PLCB1: variants seen among roughly 807,000 people sequenced by gnomAD.
PLCB1 encodes the protein 1-phosphatidylinositol 4,5-bisphosphate phosphodiesterase beta-1.
A neutral mutation model predicts 161.8 loss-of-function variants in PLCB1; 46 were observed. The ratio of observed to expected loss-of-function variants is 0.28; its 90% confidence interval spans 0.22 to 0.36. The LOEUF (loss-of-function observed/expected upper bound fraction) is 0.36, where lower values mean the gene tolerates loss of function less well. Ranked by LOEUF, PLCB1 falls within the 10% of genes least tolerant of loss-of-function variation. The probability of loss-of-function intolerance (pLI) is 1.00; values close to 1 mark genes in which losing one functional copy is unlikely to be tolerated. For missense variants in PLCB1, 1,016 were observed against 1,472.5 expected (o/e 0.69, Z 5.07); for synonymous variants, 517 against 503.7 (o/e 1.03, Z -0.35).
At chr20:8,770,822 G>T (rs6056088) in intron 26 of PLCB1, among the ~76,000 whole-genome samples, 37,082 of 152,160 alleles carry the variant, frequency 0.24, 5,147 homozygotes, top group Non-Finnish European at 0.32. Context: ...TGGGAGGCAG[G>T]TTGGCCCTAA....
chr20:8,609,457 T>G (rs546815368), intron 3 of PLCB1, among the ~76,000 whole-genome samples: 4 of 152,212 alleles, frequency 2.6e-5, no homozygotes, highest in African/African-American at 7.2e-5. Flanking sequence ...GCTAAATGTG[T>G]CCTTCAAAAG....
chr20:8,140,804 TA>T (rs2051394902), intron 1 of PLCB1, among the ~76,000 whole-genome samples: 2 of 152,140 alleles, frequency 1.3e-5, no homozygotes, highest in African/African-American at 4.8e-5. Context: ...TTTATTTTTT[TA>T]TTTTTTTTTT....
intron 1 of PLCB1, among the ~76,000 whole-genome samples, chr20:8,143,869 T>C (rs1475068654): frequency 6.6e-6 from 1 of 152,212 alleles, no homozygotes; most frequent in Non-Finnish European, 1.5e-5. Context: ...TTTTCAACCC[T>C]GGCACCATTG....
At chr20:8,522,374 C>T (rs1347852788) in intron 3 of PLCB1, among the ~76,000 whole-genome samples, 3 of 152,150 alleles carry the variant, frequency 2.0e-5, no homozygotes, top group Non-Finnish European at 4.4e-5. Context: ...TCTATGACAT[C>T]ATCCTCATTC....
intron 2 of PLCB1, among the ~76,000 whole-genome samples, chr20:8,210,970 G>C (rs1199247542): frequency 1.3e-5 from 2 of 152,104 alleles, no homozygotes; most frequent in Non-Finnish European, 2.9e-5. Context: ...CCTCAGGATG[G>C]ATGCATGCAT....
intron 3 of PLCB1, among the ~76,000 whole-genome samples, chr20:8,561,629 C>T (rs994090339): frequency 7.9e-5 from 12 of 151,926 alleles, no homozygotes; most frequent in African/African-American, 2.2e-4. Flanking sequence ...TTATTTTTCC[C>T]TCCCCACATT....
chr20:8,738,409 TTTTGA>T (rs1180843203), intron 20 of PLCB1, among the ~76,000 whole-genome samples: 1 of 152,184 alleles, frequency 6.6e-6, no homozygotes, highest in Non-Finnish European at 1.5e-5. Context: ...CTCATTGTGG[TTTTGA>T]TTTGCATTTC....
At chr20:8,533,395 G>A (rs992344567) in intron 3 of PLCB1, among the ~76,000 whole-genome samples, 1 of 151,180 alleles carries the variant, frequency 6.6e-6, no homozygotes, top group African/African-American at 2.4e-5. Context: ...GGGATGGCTG[G>A]GTCAAATGGT....
chr20:8,166,013 C>T (rs1335635874), intron 2 of PLCB1, among the ~76,000 whole-genome samples: 4 of 152,140 alleles, frequency 2.6e-5, no homozygotes, highest in African/African-American at 9.7e-5. Flanking sequence ...TTGATCCCTT[C>T]CCTTTCTTAT....
chr20:8,626,577 G>A (rs1300115416), intron 3 of PLCB1, among the ~76,000 whole-genome samples: 1 of 152,152 alleles, frequency 6.6e-6, no homozygotes, highest in African/African-American at 2.4e-5. Context: ...GCTATCACTG[G>A]AAGGAAAGAA....
intron 12 of PLCB1, among the ~76,000 whole-genome samples, chr20:8,711,316 A>G (rs1177488747): frequency 2.6e-5 from 4 of 152,260 alleles, no homozygotes; most frequent in Admixed American, 2.6e-4. Flanking sequence ...TGTGGCTTGT[A>G]ACCCTTAAAC....
chr20:8,648,001 A>T, intron 6 of PLCB1, 48 bp downstream of exon 6: 1 of 1,311,778 alleles, frequency 7.6e-7, no homozygotes, highest in Non-Finnish European at 1.1e-6. Flanking sequence ...TTCCTCAAAG[A>T]TCTGAATCCA....
At position 8,720,634 on chromosome 20, in the gene PLCB1, C is replaced by T. The variant is rs62195835; in HGVS notation, c.1514-1720C>T. Among the ~76,000 whole-genome samples the T allele has an allele frequency of 9.8e-3, 1,485 of 151,832 alleles. 11 individuals carry two copies. Among genetic ancestry groups the T allele is most frequent in the Non-Finnish European group, 0.016 (1,115 of 67,994 alleles). ...ATATTTTTTATAGTTCAACAAGATTCCCCCAACATCCCTCCAAAGATTTAC... is the reference window on the plus strand; with the variant it reads ...ATATTTTTTATAGTTCAACAAGATTTCCCCAACATCCCTCCAAAGATTTAC... On this transcript the variant is annotated intron_variant, in intron 14 of 31. Transcript: ENST00000338037.
At chr20:8,820,020 C>T (rs181075400) in intron 31 of PLCB1, among the ~76,000 whole-genome samples, 202 of 148,680 alleles carry the variant, frequency 1.4e-3, no homozygotes, top group Non-Finnish European at 2.6e-3. Context: ...ATATTAAATC[C>T]TCTCCAGATT....
At chr20:8,523,494 C>CCATATATATATATATA (rs1555766825) in intron 3 of PLCB1, among the ~76,000 whole-genome samples, 1 of 49,584 alleles carries the variant, frequency 2.0e-5, no homozygotes, top group African/African-American at 8.0e-5. Context: ...CTCTCTCTCT[C>CCATATATATATATATA]TCTATATATA....
chr20:8,585,423 C>T (rs1214083054), intron 3 of PLCB1, among the ~76,000 whole-genome samples: 1 of 152,164 alleles, frequency 6.6e-6, no homozygotes, highest in Non-Finnish European at 1.5e-5. Context: ...TGAATAGCTT[C>T]TAGAAGAATT....
At chr20:8,800,816 C>T (rs1432311234) in intron 31 of PLCB1, among the ~76,000 whole-genome samples, 1 of 151,870 alleles carries the variant, frequency 6.6e-6, no homozygotes, top group African/African-American at 2.4e-5. Context: ...ACCAAAAAAC[C>T]CTAGGACTTG....
chr20:8,623,645 A>T (rs146019571), intron 3 of PLCB1, among the ~76,000 whole-genome samples: 56 of 151,170 alleles, frequency 3.7e-4, no homozygotes, highest in African/African-American at 1.3e-3. Context: ...CCCTCTAGTT[A>T]AAAAAAAATA....
intron 9 of PLCB1, among the ~76,000 whole-genome samples, chr20:8,681,119 T>TATATATATATATATATATATATATATAA (rs1485697576): frequency 1.7e-4 from 14 of 82,068 alleles, no homozygotes; most frequent in African/African-American, 7.1e-4. Context: ...TATATATATA[T>TATATATATATATATATATATATATATAA]AATATATATA....
Sources: gnomAD v4.1 joint callset for allele counts (sites outside exome capture counted in the v4.1 genomes callset) on GRCh38, gnomAD v4.1.1 for gene constraint, MANE v1.5 for transcripts, NCBI Gene and HGNC (gene_info 2026-07-23, HGNC 2026-07-21) for gene names.